The following NLGN1 variants were observed in gnomAD, a reference collection of about 807,000 sequenced individuals.
NLGN1 encodes the protein neuroligin-1.
In NLGN1, 12 loss-of-function variants were observed where a neutral mutation model predicts 65.5. The observed-to-expected ratio is 0.18, with a 90% CI of 0.12 to 0.30. The LOEUF is 0.30. NLGN1 is among the 10% of genes least tolerant of loss of function. The pLI, the probability that NLGN1 is intolerant of heterozygous loss-of-function variation, is 1.00. For synonymous variants in NLGN1, 350 were observed against 359.5 expected (o/e 0.97, Z 0.30); for missense variants, 750 against 1,007.1 (o/e 0.74, Z 3.46).
rs1358144371 is a variant in NLGN1, at chr3:174,257,739, T to TATATATATA, written c.647-17576_647-17575insATATATATA. Among the ~76,000 whole-genome samples the TATATATATA allele has an allele frequency of 4.4e-3, 660 of 150,826 alleles. 13 individuals carry two copies. Among genetic ancestry groups the TATATATATA allele is most frequent in the East Asian group, 0.022 (115 of 5,114 alleles). On this transcript the variant is annotated intron_variant, in intron 4 of 6. Transcript: ENST00000457714. ...TAGTGGAATATATATATATATATAT[T>TATATATATA]TATTCAGCTTCTGTTTCCTGTAATT... is the stretch of plus-strand genomic sequence containing the variant.
intron 2 of NLGN1, among the ~76,000 whole-genome samples, chr3:173,517,772 A>ATCTG (rs1734059076): frequency 6.6e-6 from 1 of 151,542 alleles, no homozygotes; most frequent in African/African-American, 2.4e-5. Flanking sequence ...CTATCTATCT[A>ATCTG]TCTATCTATC....
At chr3:174,062,502 A>C (rs928650054) in intron 4 of NLGN1, among the ~76,000 whole-genome samples, 1 of 152,098 alleles carries the variant, frequency 6.6e-6, no homozygotes, top group Non-Finnish European at 1.5e-5. Context: ...CTTTTAAAAA[A>C]TTCTGATTAA....
At chr3:174,128,201 CT>C (rs1719377479) in intron 4 of NLGN1, among the ~76,000 whole-genome samples, 2 of 152,028 alleles carry the variant, frequency 1.3e-5, no homozygotes, top group Admixed American at 1.3e-4. Flanking sequence ...AACAAAAGGT[CT>C]TTTTTGACCA....
At chr3:173,693,732 G>T (rs914262513) in intron 3 of NLGN1, among the ~76,000 whole-genome samples, 1 of 151,932 alleles carries the variant, frequency 6.6e-6, no homozygotes, top group African/African-American at 2.4e-5. Flanking sequence ...AGGAAATGGT[G>T]TTCAGAAGAA....
intron 4 of NLGN1, among the ~76,000 whole-genome samples, chr3:173,987,669 A>G (rs1333543660): frequency 6.6e-6 from 1 of 152,198 alleles, no homozygotes; most frequent in Non-Finnish European, 1.5e-5. Flanking sequence ...ATTTTCACCA[A>G]TAAAAGTCAC....
At chr3:173,807,409 A>G (rs1194604297) in intron 3 of NLGN1, among the ~76,000 whole-genome samples, 1 of 152,156 alleles carries the variant, frequency 6.6e-6, no homozygotes, top group African/African-American at 2.4e-5. Context: ...ATCAAAATGC[A>G]CTAAAATTCA....
chr3:174,291,136 T>G (rs1264742046), downstream of NLGN1, among the ~76,000 whole-genome samples: 2 of 149,606 alleles, frequency 1.3e-5, no homozygotes, highest in East Asian at 3.9e-4. Flanking sequence ...TAGTAAAAAG[T>G]AGAAAAAATC....
chr3:174,223,197 C>A (rs1422542761), intron 4 of NLGN1, among the ~76,000 whole-genome samples: 1 of 152,142 alleles, frequency 6.6e-6, no homozygotes, highest in Non-Finnish European at 1.5e-5. Context: ...TCCCACTTCA[C>A]CTCACGCCCC....
chr3:174,067,240 T>C (rs1384488702), intron 4 of NLGN1, among the ~76,000 whole-genome samples: 1 of 152,128 alleles, frequency 6.6e-6, no homozygotes, highest in Non-Finnish European at 1.5e-5. Context: ...TCTACCTCTC[T>C]ACCTCCAAAG....
intron 4 of NLGN1, among the ~76,000 whole-genome samples, chr3:173,878,882 A>T (rs1732694978): frequency 6.6e-6 from 1 of 151,940 alleles, no homozygotes; most frequent in South Asian, 2.1e-4. Flanking sequence ...ACACCTTTTG[A>T]CTCACTCAGC....
At chr3:173,993,009 T>G (rs1721446848) in intron 4 of NLGN1, among the ~76,000 whole-genome samples, 1 of 152,216 alleles carries the variant, frequency 6.6e-6, no homozygotes, top group African/African-American at 2.4e-5. Context: ...AAGAGGCTAT[T>G]TAATCCCTGG....
intron 4 of NLGN1, among the ~76,000 whole-genome samples, chr3:173,907,570 A>ATC (rs1392634157): frequency 1.0e-4 from 15 of 143,522 alleles, no homozygotes; most frequent in African/African-American, 2.3e-4. Context: ...AGATGGCTTT[A>ATC]TCTCTCTCTC....
intron 4 of NLGN1, among the ~76,000 whole-genome samples, chr3:174,075,595 C>G (rs908185785): frequency 2.0e-5 from 3 of 152,156 alleles, no homozygotes; most frequent in Admixed American, 2.0e-4. Context: ...CAGATAGGCA[C>G]AGACATTTCT....
Position 174,273,014 on chromosome 3 carries a change from T to TA in NLGN1, c.647-2300dup, listed in dbSNP as rs542440656. ...TTTTCAGAGGAACTTTTTTTTTTTT[T>TA]ACAGCACTGTTGTTATATAAACACA... On this transcript the variant is annotated intron_variant, in intron 4 of 6. Coordinates refer to ENST00000457714, the Ensembl canonical transcript of NLGN1. Among the ~76,000 whole-genome samples, 78 of 151,324 alleles carry TA rather than the reference T, an allele frequency of 5.2e-4. No individual in the cohort carries two copies. The East Asian group carries it at 0.015, about 28-fold the overall frequency.
intron 4 of NLGN1, among the ~76,000 whole-genome samples, chr3:173,963,908 A>G (rs987327186): frequency 2.6e-5 from 4 of 152,122 alleles, no homozygotes; most frequent in African/African-American, 7.2e-5. Context: ...AAAATTCTAT[A>G]AAAGCATGGG....
intron 3 of NLGN1, among the ~76,000 whole-genome samples, chr3:173,630,779 C>T (rs1342195465): frequency 6.6e-6 from 1 of 152,062 alleles, no homozygotes; most frequent in Non-Finnish European, 1.5e-5. Context: ...TCTGACATGC[C>T]TTACTTACAT....
intron 4 of NLGN1, among the ~76,000 whole-genome samples, chr3:174,209,001 G>A (rs529302236): frequency 1.0e-3 from 153 of 152,018 alleles, no homozygotes; most frequent in Middle Eastern, 6.8e-3. Context: ...TAGGCTCACC[G>A]CAGCCTCTGC....
intron 3 of NLGN1, among the ~76,000 whole-genome samples, chr3:173,611,337 A>G (rs1438908943): frequency 1.3e-5 from 2 of 152,056 alleles, no homozygotes; most frequent in Non-Finnish European, 2.9e-5. Context: ...CCAAAGATTC[A>G]TAATTTGTTG....
intron 4 of NLGN1, among the ~76,000 whole-genome samples, chr3:174,224,745 C>T (rs1313081969): frequency 6.6e-6 from 1 of 152,138 alleles, no homozygotes; most frequent in East Asian, 1.9e-4. Flanking sequence ...CCACATCCAC[C>T]TTTCCTGCTA....
Sources: gnomAD v4.1 joint callset for allele counts (sites outside exome capture counted in the v4.1 genomes callset) on GRCh38, gnomAD v4.1.1 for gene constraint, MANE v1.5 for transcripts, NCBI Gene and HGNC (gene_info 2026-07-23, HGNC 2026-07-21) for gene names.